TRAF1: variants seen among roughly 807,000 people sequenced by gnomAD.
TRAF1 encodes TNF receptor associated factor 1.
Under a neutral mutation model 40.9 loss-of-function variants are expected in TRAF1, and 23 were observed. The observed-to-expected ratio is 0.56, with a 90% CI of 0.40 to 0.80. The LOEUF is 0.80. TRAF1 is among the 30% of genes least tolerant of loss of function. TRAF1 has a pLI of 0.00. For missense variants in TRAF1, 477 were observed against 528.7 expected, an observed-to-expected ratio of 0.90 and a Z score of 0.96; for synonymous variants, 206 against 218.8, an observed-to-expected ratio of 0.94 and a Z score of 0.52.
At chr9:120,919,204 T>C (rs2046588573) in intron 3 of TRAF1, among the ~76,000 whole-genome samples, 1 of 152,226 alleles carries the variant, frequency 6.6e-6, no homozygotes, top group Admixed American at 6.5e-5. Context: ...GTGAGTGGCC[T>C]CACTGCTTGC....
At chr9:120,924,133 T>C (rs2046622938) in intron 2 of TRAF1, among the ~76,000 whole-genome samples, 1 of 152,170 alleles carries the variant, frequency 6.6e-6, no homozygotes, top group South Asian at 2.1e-4. Context: ...CACAATTACA[T>C]GATGCCCTGA....
intron 3 of TRAF1, among the ~76,000 whole-genome samples, chr9:120,920,970 A>C (rs2046600749): frequency 6.6e-6 from 1 of 152,176 alleles, no homozygotes. Context: ...AAGTCAGAGG[A>C]GTCCCTGGTC....
intron 3 of TRAF1, among the ~76,000 whole-genome samples, chr9:120,915,233 G>T (rs1034514388): frequency 1.3e-5 from 2 of 152,184 alleles, no homozygotes; most frequent in Non-Finnish European, 2.9e-5. Flanking sequence ...AAACCTGGAT[G>T]GTATACCCTG....
rs867915145 is a variant in TRAF1, at chr9:120,902,511, T to G, written c.*2509A>C. 3.1e-5 allele frequency: 2 copies of G among 64,542 alleles called. No homozygotes were observed. Among genetic ancestry groups the G allele is most frequent in the African/African-American group, 4.1e-5 (1 of 24,272 alleles). The allele number at this position is 64,542 out of a possible 1,614,324, so 4.0% of individuals were successfully genotyped here. A position where few individuals can be genotyped will look rare whatever the true frequency, so the allele number is the denominator to read the frequency against. ...GGTGCTCTGTGGGCAGGGCGGGGGG[T>G]GGGGGGGGGGGCGGTGGGCACTGCT... On this transcript the variant is annotated 3_prime_UTR_variant, in exon 8 of 8. Transcript: ENST00000373887.
intron 3 of TRAF1, among the ~76,000 whole-genome samples, chr9:120,914,906 G>A (rs970579731): frequency 6.6e-6 from 1 of 152,184 alleles, no homozygotes; most frequent in Non-Finnish European, 1.5e-5. Flanking sequence ...TAGGTCTGAA[G>A]CATTTACCAA....
chr9:120,919,809 T>C (rs2046593508), intron 3 of TRAF1, among the ~76,000 whole-genome samples: 3 of 152,196 alleles, frequency 2.0e-5, no homozygotes, highest in Non-Finnish European at 4.4e-5. Flanking sequence ...ACTCCTGCAC[T>C]AAAGCCTGAC....
chr9:120,913,819 G>T, intron 4 of TRAF1, 81 bp from the exon 5 acceptor site: 4 of 1,439,418 alleles, frequency 2.8e-6, no homozygotes, highest in Non-Finnish European at 3.7e-6. Flanking sequence ...GCTATCAAAG[G>T]TCACCAAGGA....
intron 6 of TRAF1, 40 bp downstream of exon 6, chr9:120,911,296 G>C (rs781224449): frequency 9.4e-6 from 15 of 1,597,434 alleles, no homozygotes; most frequent in African/African-American, 1.3e-5. Context: ...TGTGGGGCCT[G>C]TTTCCCCAGG....
At chr9:120,921,086 C>A (rs2046601689) in intron 3 of TRAF1, among the ~76,000 whole-genome samples, 1 of 152,098 alleles carries the variant, frequency 6.6e-6, no homozygotes, top group African/African-American at 2.4e-5. Flanking sequence ...GGGAAGCCAG[C>A]AGGGAGGGGA....
chr9:120,929,134 C>T (rs2046659464), upstream of TRAF1: 1 of 152,444 alleles, frequency 6.6e-6, no homozygotes, highest in Admixed American at 6.5e-5. This position sits in a 1 kb window ranked among gnomAD's most constrained non-coding sequence, Gnocchi z 4.5. Flanking sequence ...CCTCCGCCAC[C>T]GCCTACCGGC....
chr9:120,925,765 C>T (rs1333255741), intron 2 of TRAF1, among the ~76,000 whole-genome samples, 171 bp downstream of exon 2: 3 of 152,210 alleles, frequency 2.0e-5, no homozygotes, highest in African/African-American at 7.2e-5. Flanking sequence ...TCTCCTTCCA[C>T]CACAGCCAGA....
At position 120,913,626 on chromosome 9, in the gene TRAF1, G is replaced by C; in HGVS notation, c.407C>G (p.Ser136Cys). The change falls in exon 5 of 8, where the codon TCT (serine) becomes TGT (cysteine). Residue 136 changes from serine to cysteine, a missense_variant. By Grantham distance (112) the Ser-to-Cys change is moderately radical (BLOSUM62 -1). Coordinates refer to ENST00000373887, the MANE Select transcript of TRAF1 (RefSeq NM_005658.5). The part of the protein sequence containing the change: ...WKARLGCGLE[S>C]GPMALEQNLS... ...GTTCTGCTCCAGGGCCATGGGCCCA[G>C]ACTCCAGGCCACAGCCCAGCCGGGC... The C allele has an allele frequency of 6.2e-7, 1 of 1,613,868 alleles. No individual in the cohort carries two copies. The highest frequency in any genetic ancestry group is 8.5e-7 in the Non-Finnish European group (1 of 1,179,978).
At chr9:120,920,138 A>T (rs534679106) in intron 3 of TRAF1, among the ~76,000 whole-genome samples, 4 of 152,294 alleles carry the variant, frequency 2.6e-5, no homozygotes, top group African/African-American at 7.2e-5. Flanking sequence ...GATAAACAGA[A>T]GCGCATTTAC....
intron 3 of TRAF1, among the ~76,000 whole-genome samples, chr9:120,918,934 CG>C (rs1327837526): frequency 2.0e-5 from 3 of 152,178 alleles, no homozygotes; most frequent in African/African-American, 7.2e-5. Flanking sequence ...CTGCTTCCCT[CG>C]GGTAGGTGGA....
chr9:120,923,400 G>A (rs935976703), intron 3 of TRAF1, among the ~76,000 whole-genome samples: 2 of 152,130 alleles, frequency 1.3e-5, no homozygotes, highest in Non-Finnish European at 2.9e-5. Context: ...TCAACCATTT[G>A]AAAATATAAA....
rs997370787 is a variant in TRAF1, at chr9:120,903,004, TG to T, written c.*2015del. ...AGTGTAGAGTAACAGCTGTTTCTCA[TG>T]GGGGCTTGTTCTACAAATCCCCCCT... On this transcript the variant is annotated 3_prime_UTR_variant, in exon 8 of 8. Coordinates refer to ENST00000373887, the MANE Select transcript of TRAF1 (RefSeq NM_005658.5). 2.6e-5 allele frequency: 4 copies of T among 152,244 alleles called. No individual in the cohort carries two copies. Among genetic ancestry groups the T allele is most frequent in the African/African-American group, 9.6e-5 (4 of 41,460 alleles). The allele number at this position is 152,244 out of a possible 1,614,324, so 9.4% of individuals were successfully genotyped here.
chr9:120,908,451 A>G (rs61145153), intron 7 of TRAF1, among the ~76,000 whole-genome samples: 18,563 of 152,268 alleles, frequency 0.12, 2,833 homozygotes, highest in African/African-American at 0.35. Flanking sequence ...CTCCTGCTAT[A>G]TCTCAGAAAT....
chr9:120,911,510 C>T lies in TRAF1; in HGVS notation c.709G>A (p.Val237Met), dbSNP rs1032713845. 3.1e-6 allele frequency: 5 copies of T among 1,610,978 alleles called. No homozygotes were observed. The Admixed American group carries it at 5.0e-5, about 16-fold the overall frequency. Residue 237 changes from valine (V) to methionine (M), a missense_variant, in exon 6 of 8, where the codon GTG (valine) becomes ATG (methionine). Physicochemically the swap from Val to Met is conservative, Grantham distance 21. Coordinates refer to ENST00000373887, the MANE Select transcript of TRAF1 (RefSeq NM_005658.5). Reference protein sequence around the residue: ...ERILSLEQRVVELQQTLAQKD... With the variant: ...ERILSLEQRVMELQQTLAQKD... ...TGGGCCAGGGTCTGCTGAAGCTCCA[C>T]CACCTGTAGGGAAGACTGTTCAGCC... is the stretch of plus-strand genomic sequence containing the variant.
upstream of TRAF1, chr9:120,927,701 A>G (rs1014809154): frequency 6.6e-6 from 1 of 152,004 alleles, no homozygotes; most frequent in Non-Finnish European, 1.5e-5. Context: ...GCCCTGGTGT[A>G]ACACCAGGGC....
Sources: allele counts gnomAD v4.1 joint callset (sites outside exome capture counted in the v4.1 genomes callset), GRCh38; gene constraint gnomAD v4.1.1; non-coding constraint Gnocchi (gnomAD v3.1); transcripts MANE v1.5; gene names NCBI Gene and HGNC (gene_info 2026-07-23, HGNC 2026-07-21).